Variants in CADPS observed in about 807,000 individuals in gnomAD.
The protein encoded by CADPS is calcium dependent secretion activator, also known as calcium-dependent secretion activator 1.
A neutral mutation model predicts 167.3 loss-of-function variants in CADPS; 57 were observed. That is an observed-to-expected ratio of 0.34 (90% CI 0.28 to 0.42). The LOEUF (loss-of-function observed/expected upper bound fraction) is 0.42. Ranked by LOEUF, CADPS falls within the 20% of genes least tolerant of loss-of-function variation. CADPS has a pLI of 1.00. For synonymous variants in CADPS, 676 were observed against 635.3 expected, an observed-to-expected ratio of 1.06 and a Z score of -0.96; for missense variants, 1,414 against 1,738.1, an observed-to-expected ratio of 0.81 and a Z score of 3.32.
intron 3 of CADPS, among the ~76,000 whole-genome samples, chr3:62,724,812 T>C (rs1004371029): frequency 1.2e-4 from 18 of 152,314 alleles, no homozygotes; most frequent in African/African-American, 4.3e-4. Flanking sequence ...AAAAGACAAA[T>C]CTGATCATAC....
At chr3:62,856,311 G>A (rs2079673726) in intron 1 of CADPS, among the ~76,000 whole-genome samples, 1 of 152,042 alleles carries the variant, frequency 6.6e-6, no homozygotes, top group South Asian at 2.1e-4. Context: ...CATGTATGTT[G>A]AAAACTACAA....
chr3:62,492,443 A>G lies in CADPS; in HGVS notation c.2731T>C (p.Phe911Leu), dbSNP rs773456732. ...AEPHVDKGEAFAWWSDLMVEH... is the reference protein window; with the variant it reads ...AEPHVDKGEALAWWSDLMVEH... Reference sequence around the variant, plus strand: ...ACCATTAAATCTGACCACCACGCAAAGGCCTTTAAAATTTGGCAGAAAAAC... The same window carrying G: ...ACCATTAAATCTGACCACCACGCAAGGGCCTTTAAAATTTGGCAGAAAAAC... Residue 911 changes from phenylalanine to leucine, a missense_variant, in exon 20 of 30, where the codon TTT becomes CTT. This residue lies in a region of CADPS where 529 missense variants were observed against 629.6 expected (regional missense o/e 0.84). Coordinates refer to ENST00000383710, the MANE Select transcript of CADPS (RefSeq NM_003716.4). 6.2e-7 allele frequency: 1 copy of G among 1,612,646 alleles called. No individual in the cohort carries two copies. The highest frequency in any genetic ancestry group is 1.1e-5 in the South Asian group (1 of 90,928).
intron 17 of CADPS, chr3:62,500,350 T>G (rs1407611558): frequency 6.6e-6 from 1 of 152,146 alleles, no homozygotes; most frequent in Non-Finnish European, 1.5e-5. Flanking sequence ...GAGACAGAGT[T>G]TCACCTTGCT....
intron 1 of CADPS, among the ~76,000 whole-genome samples, chr3:62,851,244 T>C: frequency 7.1e-6 from 1 of 140,690 alleles, no homozygotes; most frequent in South Asian, 2.6e-4. Flanking sequence ...CCAGTCTGTG[T>C]CTTTTAATTG....
At position 62,578,614 on chromosome 3, in the gene CADPS, AAAT is replaced by A. The variant is rs374509137; in HGVS notation, c.1577+6568_1577+6570del. On this transcript the variant is annotated intron_variant, in intron 8 of 29. Transcript: ENST00000383710. Reference sequence around the variant, plus strand: ...GACAGAGCAAGACTCCGTCTCAAAAAAATAAAAAAAAAAAAAAGACTTAACAAT... The same window carrying A: ...GACAGAGCAAGACTCCGTCTCAAAAAAAAAAAAAAAAAAAGACTTAACAAT... 6.9e-3 allele frequency among the ~76,000 whole-genome samples: 406 copies of A among 58,700 alleles called. 21 individuals are homozygous for A. The highest frequency in any genetic ancestry group is 0.022 in the East Asian group (14 of 648). 38.5% of individuals were successfully genotyped at this position (58,700 alleles called of 152,430 possible).
chr3:62,771,911 G>A (rs758136808), intron 1 of CADPS, among the ~76,000 whole-genome samples: 4 of 152,098 alleles, frequency 2.6e-5, no homozygotes, highest in Non-Finnish European at 4.4e-5. Flanking sequence ...TCTAAGTGTC[G>A]GTCTCAGGAG....
chr3:62,792,701 T>TC (rs1248521558), intron 1 of CADPS, among the ~76,000 whole-genome samples: 1 of 152,028 alleles, frequency 6.6e-6, no homozygotes, highest in African/African-American at 2.4e-5. Context: ...GCTCAAACAA[T>TC]CCCCCTGCAT....
Position 62,653,055 on chromosome 3 carries a change from C to A in CADPS, c.970-1975G>T, listed in dbSNP as rs193299185. 1.2e-3 allele frequency among the ~76,000 whole-genome samples: 189 copies of A among 152,266 alleles called. 3 individuals are homozygous for A. Among genetic ancestry groups the A allele is most frequent in the Non-Finnish European group, 4.3e-4 (29 of 68,022 alleles). On this transcript the variant is annotated intron_variant, in intron 4 of 29. Transcript: ENST00000383710. ...CCCTATCTCCCTGCATAACTAACAG[C>A]CTTGTTTTCATCTTCCATATTTCAG...
At chr3:62,504,936 A>G (rs1021374362) in intron 17 of CADPS, among the ~76,000 whole-genome samples, 6 of 152,186 alleles carry the variant, frequency 3.9e-5, no homozygotes, top group Admixed American at 3.3e-4. Flanking sequence ...CTGAAATATC[A>G]TATGAGAGAT....
chr3:62,612,105 A>T (rs763795408), intron 6 of CADPS, among the ~76,000 whole-genome samples: 1 of 152,230 alleles, frequency 6.6e-6, no homozygotes, highest in Non-Finnish European at 1.5e-5. Flanking sequence ...CTGAAGAGTT[A>T]CAATGTCAGA....
chr3:62,608,046 G>A (rs1245480851), intron 6 of CADPS, among the ~76,000 whole-genome samples: 1 of 152,140 alleles, frequency 6.6e-6, no homozygotes, highest in Non-Finnish European at 1.5e-5. Flanking sequence ...ATGAATCTCA[G>A]TTGTAGAGAA....
rs559739238 is a variant in CADPS, at chr3:62,641,609, C to A, written c.1325+4113G>T. ...ATTTCAAGCACTTCTGCCTAAGTAT[C>A]CCCATTGGTTTCCCATCAGAAGCAA... On this transcript the variant is annotated intron_variant, in intron 6 of 29. Coordinates refer to ENST00000383710, the MANE Select transcript of CADPS (RefSeq NM_003716.4). Among the ~76,000 whole-genome samples the A allele has an allele frequency of 8.5e-5, 13 of 152,272 alleles. No homozygotes were observed. The East Asian group carries it at 1.4e-3, about 16-fold the overall frequency.
chr3:62,544,977 G>C lies in CADPS; in HGVS notation c.1966+4926C>G. ...GCCTAAGTTCTTGGGTTCGAGCAAAGATTGAACAAGAAAACTTAAACAAAA... is the reference window on the plus strand; with the variant it reads ...GCCTAAGTTCTTGGGTTCGAGCAAACATTGAACAAGAAAACTTAAACAAAA... On this transcript the variant is annotated intron_variant, in intron 11 of 29. Coordinates refer to ENST00000383710, the MANE Select transcript of CADPS (RefSeq NM_003716.4). The surrounding 1 kb of genome is among the most constrained non-coding windows in gnomAD (Gnocchi z 4.4). 7.9e-6 allele frequency: 3 copies of C among 378,678 alleles called. No individual in the cohort carries two copies. The highest frequency in any genetic ancestry group is 4.9e-5 in the South Asian group (1 of 20,252). The allele number at this position is 378,678 out of a possible 1,614,324, so 23.5% of individuals were successfully genotyped here.
At chr3:62,826,757 C>T (rs1482754183) in intron 1 of CADPS, among the ~76,000 whole-genome samples, 1 of 152,034 alleles carries the variant, frequency 6.6e-6, no homozygotes, top group Non-Finnish European at 1.5e-5. Context: ...GGTCTCCTTG[C>T]TCTGGTAATT....
chr3:62,747,392 T>A (rs1304039364), intron 3 of CADPS, among the ~76,000 whole-genome samples: 4 of 152,212 alleles, frequency 2.6e-5, no homozygotes, highest in Non-Finnish European at 5.9e-5. Context: ...TATGTAGTTA[T>A]ATGGAGATTA....
chr3:62,505,014 G>A (rs752137865), intron 17 of CADPS, among the ~76,000 whole-genome samples: 44 of 152,114 alleles, frequency 2.9e-4, no homozygotes, highest in Non-Finnish European at 5.9e-4. Flanking sequence ...GAAGATGCTA[G>A]TATTTGTATT....
At chr3:62,430,359 AG>A (rs2053669927) in intron 28 of CADPS, among the ~76,000 whole-genome samples, 1 of 152,198 alleles carries the variant, frequency 6.6e-6, no homozygotes, top group Non-Finnish European at 1.5e-5. Context: ...TCACTGCAAT[AG>A]GGCATCAGAA....
chr3:62,522,001 T>C (rs1022620845), intron 13 of CADPS, among the ~76,000 whole-genome samples: 2 of 152,174 alleles, frequency 1.3e-5, no homozygotes, highest in Non-Finnish European at 2.9e-5. Flanking sequence ...ATTTGCTTGT[T>C]CCAGCAGCTG....
At chr3:62,501,349 CA>C (rs1320293884) in intron 17 of CADPS, among the ~76,000 whole-genome samples, 1 of 152,206 alleles carries the variant, frequency 6.6e-6, no homozygotes, top group Non-Finnish European at 1.5e-5. Context: ...GGCATTTCTA[CA>C]AACATACTGT....
Sources: gnomAD v4.1 joint callset for allele counts (sites outside exome capture counted in the v4.1 genomes callset) on GRCh38, gnomAD v4.1.1 for gene constraint, gnomAD v4.1.1 regional missense constraint, Gnocchi (gnomAD v3.1) non-coding constraint, MANE v1.5 for transcripts, NCBI Gene and HGNC (gene_info 2026-07-23, HGNC 2026-07-21) for gene names.